The following ARMCX4 variants were observed in gnomAD, a reference collection of about 807,000 sequenced individuals.
ARMCX4 encodes armadillo repeat-containing X-linked protein 4.
Under a neutral mutation model 34.7 loss-of-function variants are expected in ARMCX4, and 3 were observed. That is an observed-to-expected ratio of 0.09 (90% CI 0.04 to 0.22). The LOEUF is 0.22. Ranked by LOEUF, ARMCX4 falls within the 10% of genes least tolerant of loss-of-function variation. ARMCX4 has a pLI of 1.00. For missense variants in ARMCX4, 1,448 were observed against 1,720.8 expected (o/e 0.84, Z 2.81); for synonymous variants, 513 against 632.8 (o/e 0.81, Z 2.84).
chrX:101,488,987 C>T lies in ARMCX4; in HGVS notation c.398C>T (p.Thr133Ile). 1 of 1,156,149 alleles carries T rather than the reference C, an allele frequency of 8.6e-7. No homozygotes were observed. Among genetic ancestry groups the T allele is most frequent in the South Asian group, 1.9e-5 (1 of 52,746 alleles). ...TLVMTEAVTLTEVKAKAREVA... is the reference protein window; with the variant it reads ...TLVMTEAVTLIEVKAKAREVA... ...GTCATGACAGAGGCAGTGACTCTGA[C>T]TGAGGTCAAGGCCAAAGCCAGGGAA... The change falls in exon 6 of 6, where the codon ACT (threonine) becomes ATT (isoleucine). Residue 133 changes from threonine to isoleucine, a missense_variant. Around this residue, in one of 2 missense-constraint regions of ARMCX4, gnomAD observed 1,343 missense variants for 1,540.7 expected, o/e 0.87. Transcript: ENST00000423738.
chrX:101,432,807 T>G (rs782471437), intron 2 of ARMCX4, among the ~76,000 whole-genome samples: 1 of 105,251 alleles, frequency 9.5e-6, no homozygotes, highest in Admixed American at 1.0e-4. Flanking sequence ...CACATGTATG[T>G]ATACATATAT....
intron 2 of ARMCX4, among the ~76,000 whole-genome samples, chrX:101,433,167 T>G (rs1280453214): frequency 9.7e-5 from 6 of 61,544 alleles, no homozygotes; most frequent in Non-Finnish European, 2.3e-4. Flanking sequence ...TATGTATACA[T>G]ACATGTGTAT....
At position 101,436,427 on chromosome X, in the gene ARMCX4, A is replaced by G. The variant is rs1603107967; in HGVS notation, n.165-7625A>G. On this transcript the variant is annotated intron_variant and non_coding_transcript_variant, in intron 2 of 3. Transcript: ENST00000430461. ...AGCAATTGTGAATGGGAGTTCACTCATGATTTGGCTCTCTGTTTGTCTGTT... is the reference window on the plus strand; with the variant it reads ...AGCAATTGTGAATGGGAGTTCACTCGTGATTTGGCTCTCTGTTTGTCTGTT... Among the ~76,000 whole-genome samples the G allele has an allele frequency of 3.6e-5, 4 of 109,947 alleles. No homozygotes were observed. In the South Asian group the frequency reaches 1.6e-3, roughly 43 times the overall value.
At chrX:101,485,332 G>A (rs1461201037), upstream of ARMCX4, 3 of 114,762 alleles carry the variant, frequency 2.6e-5, no homozygotes, top group African/African-American at 9.8e-5. Flanking sequence ...GGAGTTCCTG[G>A]TGACTGGCCG....
At chrX:101,470,798 G>T (rs1325847334) in intron 4 of ARMCX4, among the ~76,000 whole-genome samples, 1 of 111,893 alleles carries the variant, frequency 8.9e-6, no homozygotes, top group African/African-American at 3.2e-5. Flanking sequence ...ACAAGTCTTT[G>T]TGTGGGCATG....
intron 2 of ARMCX4, among the ~76,000 whole-genome samples, chrX:101,433,245 T>C (rs368354801): frequency 3.5e-5 from 1 of 28,430 alleles, no homozygotes; most frequent in Non-Finnish European, 1.2e-4. Flanking sequence ...CATATGTATA[T>C]ATACACACAT....
chrX:101,455,954 C>A (rs1193832186), intron 4 of ARMCX4, among the ~76,000 whole-genome samples: 1 of 111,477 alleles, frequency 9.0e-6, no homozygotes, highest in South Asian at 3.8e-4. Flanking sequence ...AGGATTATGG[C>A]CTCCAGCTGC....
At chrX:101,535,126 G>C (rs1267604739), downstream of ARMCX4, among the ~76,000 whole-genome samples, 1 of 111,295 alleles carries the variant, frequency 9.0e-6, no homozygotes, top group Non-Finnish European at 1.9e-5. Context: ...TGGGGGGCTG[G>C]TGGGAAGGTA....
chrX:101,432,919 CATACGTATATAT>C (rs1930241597), intron 2 of ARMCX4, among the ~76,000 whole-genome samples: 3 of 86,461 alleles, frequency 3.5e-5, no homozygotes, highest in Non-Finnish European at 6.8e-5. Flanking sequence ...CACACGTATA[CATACGTATATAT>C]ATACGTGTAT....
intron 11 of ARMCX4, among the ~76,000 whole-genome samples, chrX:101,521,740 C>A (rs1556019157): frequency 9.0e-6 from 1 of 111,119 alleles, no homozygotes; most frequent in Non-Finnish European, 1.9e-5. Context: ...TCATTCAGCT[C>A]AAAATATTTT....
At chrX:101,472,714 A>G (rs1363566921) in intron 4 of ARMCX4, among the ~76,000 whole-genome samples, 1 of 86,895 alleles carries the variant, frequency 1.2e-5, no homozygotes, top group Non-Finnish European at 2.2e-5. Flanking sequence ...ACTAAACTTC[A>G]TAAGTGAAGG....
At chrX:101,534,647 C>T (rs1376661659), downstream of ARMCX4, among the ~76,000 whole-genome samples, 2 of 108,275 alleles carry the variant, frequency 1.8e-5, no homozygotes, top group Non-Finnish European at 3.8e-5. Context: ...GGGTATTATA[C>T]ATTTAATTTA....
intron 11 of ARMCX4, among the ~76,000 whole-genome samples, chrX:101,523,941 C>CT (rs782549941): frequency 1.9e-4 from 20 of 106,769 alleles, no homozygotes; most frequent in Non-Finnish European, 3.1e-4. Context: ...GCAGGCATAG[C>CT]TTTTTTTTTT....
At position 101,494,041 on chromosome X, in the gene ARMCX4, G is replaced by T; in HGVS notation, c.5452G>T (p.Gly1818Trp). 1 of 974,373 alleles carries T rather than the reference G, an allele frequency of 1.0e-6. No individual in the cohort carries two copies. The highest frequency in any genetic ancestry group is 1.4e-6 in the Non-Finnish European group (1 of 731,135). 80.3% of individuals were successfully genotyped at this position (974,373 alleles called of 1,213,427 possible). A position where few individuals can be genotyped will look rare whatever the true frequency, so the allele number is the denominator to read the frequency against. ...TGAGGCTGGGGCTGGGGCTGAGGCT[G>T]GGGCTGGGGCTGAGGCTGGGGCTGG... ...GAEAGAGAEA[G>W]AGAEAGAGAG... The change falls in exon 6 of 6, where the codon GGG becomes TGG. Residue 1818 changes from glycine (G) to tryptophan (W), a missense_variant. Gly to Trp is a radical substitution (Grantham distance 184, BLOSUM62 -2). Transcript: ENST00000423738.
intron 4 of ARMCX4, among the ~76,000 whole-genome samples, chrX:101,455,303 ACT>A (rs1932217963): frequency 9.0e-6 from 1 of 111,459 alleles, no homozygotes; most frequent in African/African-American, 3.3e-5. Flanking sequence ...ATTTAATTTT[ACT>A]CTCTTTTCTG....
chrX:101,450,089 T>C (rs1410423628), downstream of ARMCX4, among the ~76,000 whole-genome samples: 1 of 112,414 alleles, frequency 8.9e-6, no homozygotes, highest in Admixed American at 9.4e-5. Flanking sequence ...TCTGTTTTTG[T>C]GCTGAGCCTC....
intron 4 of ARMCX4, among the ~76,000 whole-genome samples, chrX:101,479,751 G>A (rs1933360630): frequency 9.0e-6 from 1 of 110,766 alleles, no homozygotes; most frequent in Non-Finnish European, 1.9e-5. Flanking sequence ...AAAGTGCTGG[G>A]ATTACAGGCA....
At chrX:101,439,765 G>A (rs1555996190) in intron 2 of ARMCX4, among the ~76,000 whole-genome samples, 1 of 111,768 alleles carries the variant, frequency 8.9e-6, no homozygotes, top group East Asian at 2.8e-4. Flanking sequence ...CCAGTTGATC[G>A]AATTGGCTAC....
intron 7 of ARMCX4, among the ~76,000 whole-genome samples, chrX:101,504,350 G>A (rs1352515056): frequency 9.0e-6 from 1 of 111,177 alleles, no homozygotes; most frequent in Non-Finnish European, 1.9e-5. Context: ...TGATGGGGAT[G>A]GCATTGAATC....
Sources: gnomAD v4.1 joint callset for allele counts (sites outside exome capture counted in the v4.1 genomes callset) on GRCh38, gnomAD v4.1.1 for gene constraint, gnomAD v4.1.1 regional missense constraint, MANE v1.5 for transcripts, NCBI Gene and HGNC (gene_info 2026-07-23, HGNC 2026-07-21) for gene names.